TBC1D1: variants seen among roughly 807,000 people sequenced by gnomAD.
TBC1D1 encodes TBC1 (tre-2/USP6, BUB2, cdc16) domain family, member 1.
A neutral mutation model predicts 125.6 loss-of-function variants in TBC1D1; 89 were observed. The observed-to-expected ratio is 0.71, with a 90% CI of 0.60 to 0.85. The LOEUF is 0.85. Among genes scored for constraint, TBC1D1 ranks in the 40% least tolerant of loss-of-function variants. The pLI, the probability that TBC1D1 is intolerant of heterozygous loss-of-function variation, is 0.00. For synonymous variants in TBC1D1, 565 were observed against 564.1 expected, an observed-to-expected ratio of 1.00 and a Z score of -0.02; for missense variants, 1,377 against 1,469.2, an observed-to-expected ratio of 0.94 and a Z score of 1.03.
At chr4:38,044,249 G>C in intron 8 of TBC1D1, 113 bp from the exon 9 acceptor site, 1 of 1,203,062 alleles carries the variant, frequency 8.3e-7, no homozygotes, top group South Asian at 1.6e-5. Flanking sequence ...TGAGATCACA[G>C]ACAGGATCAG....
chr4:37,907,678 C>A (rs1717625398), intron 2 of TBC1D1, among the ~76,000 whole-genome samples: 1 of 152,148 alleles, frequency 6.6e-6, no homozygotes, highest in Non-Finnish European at 1.5e-5. Flanking sequence ...ATGGACATAT[C>A]CACTCTGGAA....
At chr4:37,932,907 A>G (rs554985961) in intron 2 of TBC1D1, among the ~76,000 whole-genome samples, 9 of 152,230 alleles carry the variant, frequency 5.9e-5, no homozygotes, top group East Asian at 1.9e-4. Context: ...AAATGCAAAA[A>G]TTAGCCAGAG....
In TBC1D1 at chr4:37,900,504, A is replaced by G. The variant is rs185421555; in HGVS notation, c.-93-1499A>G. ...CTTTTAAAATACGTATTGAGTCCCT[A>G]CTTTGAGTCAGGCACTATGGCAGAC... On this transcript the variant is annotated intron_variant, in intron 1 of 19. Coordinates refer to ENST00000261439, the MANE Select transcript of TBC1D1 (RefSeq NM_015173.4). Among the ~76,000 whole-genome samples the G allele has an allele frequency of 6.3e-3, 949 of 151,380 alleles. 17 individuals are homozygous for G. Among genetic ancestry groups the G allele is most frequent in the Non-Finnish European group, 9.2e-3 (622 of 67,934 alleles).
intron 12 of TBC1D1, among the ~76,000 whole-genome samples, chr4:38,076,934 C>T (rs1184403552): frequency 1.3e-5 from 2 of 152,154 alleles, no homozygotes; most frequent in Non-Finnish European, 2.9e-5. Flanking sequence ...ATTCCAGGCT[C>T]CTGTATCTGA....
intron 2 of TBC1D1, among the ~76,000 whole-genome samples, chr4:37,931,348 C>T (rs180979497): frequency 2.9e-4 from 44 of 152,102 alleles, no homozygotes; most frequent in African/African-American, 9.6e-4. Context: ...CCACCTGCCT[C>T]GGCCTCCCAA....
chr4:38,007,550 G>A (rs367822725), intron 2 of TBC1D1, among the ~76,000 whole-genome samples: 1 of 152,138 alleles, frequency 6.6e-6, no homozygotes, highest in South Asian at 2.1e-4. Flanking sequence ...ACTACTCCCT[G>A]TCCCTATCTG....
intron 2 of TBC1D1, among the ~76,000 whole-genome samples, chr4:37,961,724 T>G (rs1214514845): frequency 1.3e-5 from 2 of 152,186 alleles, no homozygotes; most frequent in African/African-American, 4.8e-5. Flanking sequence ...CTACTGAAAG[T>G]GAGTGGTGGT....
At chr4:37,938,272 A>G (rs1724815932) in intron 2 of TBC1D1, among the ~76,000 whole-genome samples, 1 of 152,072 alleles carries the variant, frequency 6.6e-6, no homozygotes, top group Non-Finnish European at 1.5e-5. Flanking sequence ...CTGAAATAAT[A>G]TTTTTCTGGG....
chr4:37,949,613 G>A (rs1727420237), intron 2 of TBC1D1, among the ~76,000 whole-genome samples: 1 of 152,084 alleles, frequency 6.6e-6, no homozygotes, highest in African/African-American at 2.4e-5. Context: ...ATCACTCCAG[G>A]GCAACCCTAA....
At chr4:37,904,419 A>T (rs1343189484) in intron 2 of TBC1D1, among the ~76,000 whole-genome samples, 1 of 152,234 alleles carries the variant, frequency 6.6e-6, no homozygotes. Context: ...AACAGCCTGT[A>T]CCTCAGTCCA....
At chr4:37,960,382 G>A in intron 2 of TBC1D1, 2 of 1,459,544 alleles carry the variant, frequency 1.4e-6, no homozygotes, top group Non-Finnish European at 1.9e-6. Context: ...TAAATATAAA[G>A]TGGGACCACG....
Position 37,902,334 on chromosome 4 carries a change from G to A in TBC1D1, c.239G>A (p.Gly80Glu), listed in dbSNP as rs1236437494. 6.2e-7 allele frequency: 1 copy of A among 1,614,114 alleles called. No homozygotes were observed. Among genetic ancestry groups the A allele is most frequent in the Non-Finnish European group, 8.5e-7 (1 of 1,180,008 alleles). Residue 80 changes from glycine (G) to glutamate (E), a missense_variant, in exon 2 of 20, where the codon GGG becomes GAG. Gly to Glu is a moderately conservative substitution (Grantham distance 98). Around this residue, in one of 3 missense-constraint regions of TBC1D1, gnomAD observed 822 missense variants for 824.6 expected, o/e 1.00. Coordinates refer to ENST00000261439, the MANE Select transcript of TBC1D1 (RefSeq NM_015173.4). ...GGACTGAGATGTGAACCTGAGCCAG[G>A]GAGAAGTCAACAGTGGGATCCCCTG...
At chr4:37,993,330 C>T (rs942070539) in intron 2 of TBC1D1, among the ~76,000 whole-genome samples, 1 of 152,106 alleles carries the variant, frequency 6.6e-6, no homozygotes, top group Non-Finnish European at 1.5e-5. Flanking sequence ...GAGAGAATTA[C>T]ATTAGTAAGA....
In TBC1D1 at chr4:37,943,280, A is replaced by T. The variant is rs997290780; in HGVS notation, c.417+40768A>T. 9.2e-5 allele frequency among the ~76,000 whole-genome samples: 14 copies of T among 151,856 alleles called. 1 individual carries two copies. Among genetic ancestry groups the T allele is most frequent in the Non-Finnish European group, 2.1e-4 (14 of 68,006 alleles). On this transcript the variant is annotated intron_variant, in intron 2 of 19. Transcript: ENST00000261439. ...GGCTGCCCTTAACATTTTTTCCTTC[A>T]TTTCAACTTTGGTGAATCTGACAAT...
chr4:37,989,247 C>A (rs914219125), intron 2 of TBC1D1, among the ~76,000 whole-genome samples: 2 of 152,186 alleles, frequency 1.3e-5, no homozygotes, highest in South Asian at 4.1e-4. Flanking sequence ...CAGGTTATGA[C>A]CTTGTCTTAA....
intron 2 of TBC1D1, among the ~76,000 whole-genome samples, chr4:38,003,048 A>C (rs1279531668): frequency 6.6e-6 from 1 of 152,246 alleles, no homozygotes; most frequent in Non-Finnish European, 1.5e-5. Flanking sequence ...GATGTTAACC[A>C]GTCAGGTTTT....
At position 38,045,908 on chromosome 4, in the gene TBC1D1, G is replaced by T; in HGVS notation, c.1629+5G>T. On this transcript the variant is annotated splice_donor_5th_base_variant and intron_variant, in intron 10 of 19. Coordinates refer to ENST00000261439, the MANE Select transcript of TBC1D1 (RefSeq NM_015173.4). ...ACATTAAGTAACACCAGCAAAGTAA[G>T]CACATTTCTCTTTATACGACACCCT... is the stretch of plus-strand genomic sequence containing the variant. 6.2e-7 allele frequency: 1 copy of T among 1,613,210 alleles called. No individual in the cohort carries two copies. The highest frequency in any genetic ancestry group is 1.3e-5 in the African/African-American group (1 of 75,002).
At position 37,902,216 on chromosome 4, in the gene TBC1D1, C is replaced by G; in HGVS notation, c.121C>G (p.Pro41Ala). 6.2e-7 allele frequency: 1 copy of G among 1,613,954 alleles called. No individual in the cohort carries two copies. Residue 41 changes from proline (P) to alanine (A), a missense_variant, in exon 2 of 20, where the codon CCC becomes GCC. Pro to Ala is a conservative substitution (Grantham distance 27). Around this residue, in one of 3 missense-constraint regions of TBC1D1, gnomAD observed 822 missense variants for 824.6 expected, o/e 1.00. Coordinates refer to ENST00000261439, the MANE Select transcript of TBC1D1 (RefSeq NM_015173.4). ...TTCCCTGACCACCATGCCCATGCTGCCCTGGGTTGTGGCTGAGGTGCGAAG... is the reference window on the plus strand; with the variant it reads ...TTCCCTGACCACCATGCCCATGCTGGCCTGGGTTGTGGCTGAGGTGCGAAG...
At chr4:38,111,054 C>T (rs1194543148) in intron 15 of TBC1D1, among the ~76,000 whole-genome samples, 1 of 152,264 alleles carries the variant, frequency 6.6e-6, no homozygotes, top group Non-Finnish European at 1.5e-5. Context: ...CTGCCCACGG[C>T]TCCGGCCAAC....
Sources: allele counts gnomAD v4.1 joint callset (sites outside exome capture counted in the v4.1 genomes callset), GRCh38; gene constraint gnomAD v4.1.1; regional missense constraint gnomAD v4.1.1; transcripts MANE v1.5; gene names NCBI Gene and HGNC (gene_info 2026-07-23, HGNC 2026-07-21).